UGT2A1: variants seen among roughly 807,000 people sequenced by gnomAD.
The protein encoded by UGT2A1 is UDP glucuronosyltransferase family 2 member A1 complex locus, also known as UDP-glucuronosyltransferase 2A1.
Under a neutral mutation model 45.4 loss-of-function variants are expected in UGT2A1, and 61 were observed. The ratio of observed to expected loss-of-function variants is 1.34; its 90% CI spans 1.09 to 1.66. UGT2A1 has a LOEUF of 1.66. UGT2A1 is among the 40% of genes most tolerant of loss of function. The pLI is 0.00. For synonymous variants in UGT2A1, 229 were observed against 196.2 expected, an observed-to-expected ratio of 1.17 and a Z score of -1.40; for missense variants, 649 against 574.3, an observed-to-expected ratio of 1.13 and a Z score of -1.33.
intron 3 of UGT2A1, among the ~76,000 whole-genome samples, chr4:69,611,569 T>C (rs1002450844): frequency 6.6e-6 from 1 of 152,080 alleles, no homozygotes; most frequent in Admixed American, 6.6e-5. Context: ...AATCTGTGTG[T>C]TAGCATAGAA....
intron 3 of UGT2A1, among the ~76,000 whole-genome samples, chr4:69,615,449 G>A (rs1441549137): frequency 3.3e-5 from 5 of 151,728 alleles, no homozygotes; most frequent in Non-Finnish European, 5.9e-5. Context: ...CTACAAAATG[G>A]GAGAAAATAT....
intron 3 of UGT2A1, among the ~76,000 whole-genome samples, chr4:69,611,193 T>A (rs1335460223): frequency 6.6e-6 from 1 of 151,682 alleles, no homozygotes; most frequent in East Asian, 1.9e-4. Flanking sequence ...TCACTCAAGC[T>A]GGAGTGCAGT....
At chr4:69,629,767 T>C (rs1396127376) in intron 3 of UGT2A1, among the ~76,000 whole-genome samples, 1 of 152,106 alleles carries the variant, frequency 6.6e-6, no homozygotes, top group Non-Finnish European at 1.5e-5. Flanking sequence ...TCTCTCCTTA[T>C]TTTAATCTGT....
At chr4:69,609,175 CA>C (rs1719876717) in intron 3 of UGT2A1, among the ~76,000 whole-genome samples, 1 of 127,032 alleles carries the variant, frequency 7.9e-6, no homozygotes, top group African/African-American at 3.0e-5. Flanking sequence ...TTTTTTGACA[CA>C]GCGTTTTTCT....
intron 4 of UGT2A1, among the ~76,000 whole-genome samples, chr4:69,596,972 C>A (rs1718968136): frequency 1.3e-5 from 2 of 152,184 alleles, no homozygotes; most frequent in Admixed American, 1.3e-4. Context: ...GAAATTGTTA[C>A]CCCCAAGGCT....
chr4:69,632,246 G>A (rs897199850), intron 3 of UGT2A1, among the ~76,000 whole-genome samples: 3 of 152,134 alleles, frequency 2.0e-5, no homozygotes, highest in Non-Finnish European at 4.4e-5. Context: ...TACCATGAAG[G>A]AAGAGGGAAG....
chr4:69,622,328 G>A (rs1194048908), intron 3 of UGT2A1, among the ~76,000 whole-genome samples: 2 of 151,534 alleles, frequency 1.3e-5, no homozygotes, highest in African/African-American at 2.4e-5. Context: ...AAAAGTTAGA[G>A]ATCAAAACAT....
At chr4:69,639,394 T>C in intron 2 of UGT2A1, 1 of 1,613,544 alleles carries the variant, frequency 6.2e-7, no homozygotes, top group Non-Finnish European at 8.5e-7. Context: ...GAAACAGGTA[T>C]CACTTCAAAA....
intron 4 of UGT2A1, chr4:69,596,263 T>C: frequency 6.3e-7 from 1 of 1,581,450 alleles, no homozygotes; most frequent in South Asian, 1.2e-5. Context: ...CTGTGGAATC[T>C]GGGCAAGGGC....
At chr4:69,616,562 C>G (rs565663418) in intron 3 of UGT2A1, among the ~76,000 whole-genome samples, 10 of 151,932 alleles carry the variant, frequency 6.6e-5, no homozygotes, top group Non-Finnish European at 2.9e-5. Context: ...ATGTACCCCA[C>G]CAACAAAAAG....
chr4:69,597,896 T>C (rs1719034367), intron 4 of UGT2A1, among the ~76,000 whole-genome samples: 2 of 152,152 alleles, frequency 1.3e-5, no homozygotes, highest in Admixed American at 1.3e-4. Flanking sequence ...CCAAAGCCTA[T>C]ATCGATATTT....
intron 3 of UGT2A1, among the ~76,000 whole-genome samples, chr4:69,626,965 C>T (rs191848032): frequency 1.0e-3 from 152 of 151,754 alleles, no homozygotes; most frequent in African/African-American, 3.3e-3. Flanking sequence ...CTTCTGTTTT[C>T]GCTGCCTCAA....
chr4:69,632,873 G>T (rs1721463659), intron 3 of UGT2A1, among the ~76,000 whole-genome samples: 1 of 147,284 alleles, frequency 6.8e-6, no homozygotes, highest in African/African-American at 2.6e-5. Context: ...GAGCGACAGT[G>T]CAAGACTCGG....
At chr4:69,592,377 A>C (rs1718642595) in intron 6 of UGT2A1, among the ~76,000 whole-genome samples, 1 of 152,186 alleles carries the variant, frequency 6.6e-6, no homozygotes, top group Non-Finnish European at 1.5e-5. Flanking sequence ...AACCACTTAC[A>C]CATATTGAAA....
intron 3 of UGT2A1, among the ~76,000 whole-genome samples, chr4:69,619,054 T>C (rs1720585365): frequency 6.6e-6 from 1 of 151,854 alleles, no homozygotes; most frequent in African/African-American, 2.4e-5. Flanking sequence ...TTTGTAAATG[T>C]AGGAATTTAT....
intron 3 of UGT2A1, among the ~76,000 whole-genome samples, chr4:69,608,137 G>A (rs376459007): frequency 4.8e-4 from 73 of 152,054 alleles, no homozygotes; most frequent in East Asian, 3.3e-3. Context: ...TTATTGCAGC[G>A]CTATTCACAA....
chr4:69,643,595 T>C (rs572132613), intron 2 of UGT2A1, among the ~76,000 whole-genome samples: 1 of 151,766 alleles, frequency 6.6e-6, no homozygotes, highest in African/African-American at 2.4e-5. Flanking sequence ...ATCATTATTA[T>C]GATATCCATG....
intron 3 of UGT2A1, among the ~76,000 whole-genome samples, chr4:69,627,379 C>T (rs1298836978): frequency 6.6e-6 from 1 of 151,606 alleles, no homozygotes; most frequent in African/African-American, 2.4e-5. Flanking sequence ...TACATTACTA[C>T]ATAATAGATT....
chr4:69,636,654 T>TACCAGAAAAATC (rs1187776376), intron 2 of UGT2A1, among the ~76,000 whole-genome samples: 1 of 152,140 alleles, frequency 6.6e-6, no homozygotes, highest in Non-Finnish European at 1.5e-5. Flanking sequence ...CCATTTATTT[T>TACCAGAAAAATC]TTGTAGATTT....
Sources: allele counts gnomAD v4.1 joint callset (sites outside exome capture counted in the v4.1 genomes callset), GRCh38; gene constraint gnomAD v4.1.1; transcripts MANE v1.5; gene names NCBI Gene and HGNC (gene_info 2026-07-23, HGNC 2026-07-21).